COL8A1: variants seen among roughly 807,000 people sequenced by gnomAD.
COL8A1 encodes the protein collagen alpha-1(VIII) chain.
In COL8A1, 21 loss-of-function variants were observed where a neutral mutation model predicts 42.7. That is an observed-to-expected ratio of 0.49 (90% confidence interval 0.35 to 0.71). COL8A1 has a LOEUF of 0.71. COL8A1 is among the 30% of genes least tolerant of loss of function. The pLI is 0.01. For missense variants in COL8A1, 788 were observed against 962.4 expected, an observed-to-expected ratio of 0.82 and a Z score of 2.40; for synonymous variants, 367 against 369.1, an observed-to-expected ratio of 0.99 and a Z score of 0.06.
At chr3:99,679,108 G>A (rs1240667024) in intron 1 of COL8A1, 14 of 152,216 alleles carry the variant, frequency 9.2e-5, no homozygotes, top group African/African-American at 3.4e-4. Context: ...TTCAGAGCTT[G>A]AGAAAAATAG....
chr3:99,764,516 TAGTTA>T (rs1312462499), intron 2 of COL8A1, among the ~76,000 whole-genome samples: 3 of 152,276 alleles, frequency 2.0e-5, no homozygotes, highest in South Asian at 2.1e-4. Context: ...ATGTTGTTAG[TAGTTA>T]AGTGCTTAGA....
chr3:99,733,477 C>T (rs1940591193), intron 1 of COL8A1, among the ~76,000 whole-genome samples: 1 of 148,842 alleles, frequency 6.7e-6, no homozygotes, highest in Non-Finnish European at 1.5e-5. Flanking sequence ...AGGACATGAA[C>T]TCATCATTTT....
At chr3:99,678,407 G>T (rs1360023829) in intron 1 of COL8A1, 1 of 152,036 alleles carries the variant, frequency 6.6e-6, no homozygotes, top group Non-Finnish European at 1.5e-5. Context: ...GCCCAGAGAA[G>T]ACTTTTAGAA....
intron 1 of COL8A1, among the ~76,000 whole-genome samples, chr3:99,699,860 C>T (rs1939485780): frequency 6.6e-6 from 1 of 152,062 alleles, no homozygotes; most frequent in Non-Finnish European, 1.5e-5. Flanking sequence ...AACATACCGT[C>T]TTTTTTAACA....
chr3:99,643,517 A>G (rs1343792817), intron 1 of COL8A1, among the ~76,000 whole-genome samples: 1 of 152,252 alleles, frequency 6.6e-6, no homozygotes, highest in Non-Finnish European at 1.5e-5. Context: ...TAGAAAATAT[A>G]GTCTATAAAA....
At chr3:99,670,549 A>G (rs922040361) in intron 1 of COL8A1, among the ~76,000 whole-genome samples, 6 of 152,212 alleles carry the variant, frequency 3.9e-5, no homozygotes, top group Non-Finnish European at 8.8e-5. Context: ...TGATATATGT[A>G]TACAGTGTGG....
At chr3:99,752,797 C>T (rs7636514) in intron 2 of COL8A1, among the ~76,000 whole-genome samples, 11,782 of 150,650 alleles carry the variant, frequency 0.078, 572 homozygotes, top group Middle Eastern at 0.11. Flanking sequence ...TTGAAATGAA[C>T]AAACTCCCGC....
intron 1 of COL8A1, among the ~76,000 whole-genome samples, chr3:99,675,966 A>G (rs538159015): frequency 6.6e-6 from 1 of 152,216 alleles, no homozygotes; most frequent in African/African-American, 2.4e-5. Context: ...GGCGAACTTA[A>G]AAGAATGAAT....
At chr3:99,746,892 G>A (rs1941037640) in intron 2 of COL8A1, among the ~76,000 whole-genome samples, 1 of 152,126 alleles carries the variant, frequency 6.6e-6, no homozygotes. Context: ...AAATAATAAA[G>A]AATTTTTTGA....
chr3:99,707,447 A>C (rs1199655744), intron 1 of COL8A1, among the ~76,000 whole-genome samples: 2 of 152,202 alleles, frequency 1.3e-5, no homozygotes, highest in South Asian at 2.1e-4. Context: ...TCAAACCCTC[A>C]GTTAGCTAAC....
intron 2 of COL8A1, among the ~76,000 whole-genome samples, chr3:99,764,166 AT>A (rs1361464434): frequency 6.6e-6 from 1 of 152,208 alleles, no homozygotes; most frequent in Non-Finnish European, 1.5e-5. Flanking sequence ...AACTTTTTAT[AT>A]AGAAGCTTTG....
At chr3:99,727,811 TC>T (rs1473253686) in intron 1 of COL8A1, among the ~76,000 whole-genome samples, 4 of 152,004 alleles carry the variant, frequency 2.6e-5, no homozygotes, top group African/African-American at 4.8e-5. Context: ...ATGGGCTTCA[TC>T]CCTGGGATGC....
chr3:99,662,273 T>C (rs560080203), intron 1 of COL8A1, among the ~76,000 whole-genome samples: 1 of 150,342 alleles, frequency 6.7e-6, no homozygotes, highest in Non-Finnish European at 1.5e-5. Flanking sequence ...TCCCAGCTAC[T>C]GGGGAGGCGG....
intron 2 of COL8A1, among the ~76,000 whole-genome samples, chr3:99,745,518 C>T (rs1241696448): frequency 1.3e-5 from 2 of 152,056 alleles, no homozygotes; most frequent in Non-Finnish European, 2.9e-5. Flanking sequence ...TGTTTTTATA[C>T]CATTATCATA....
intron 1 of COL8A1, among the ~76,000 whole-genome samples, chr3:99,673,682 G>T (rs1473073884): frequency 6.6e-6 from 1 of 151,870 alleles, no homozygotes; most frequent in African/African-American, 2.4e-5. Flanking sequence ...AGTTTTGGAG[G>T]ATTTCTTTTA....
intron 1 of COL8A1, among the ~76,000 whole-genome samples, chr3:99,685,865 G>A (rs1311842473): frequency 6.6e-6 from 1 of 152,178 alleles, no homozygotes; most frequent in African/African-American, 2.4e-5. Context: ...TTACCCATGT[G>A]AGGCACATAG....
chr3:99,668,346 G>C (rs1282410866), intron 1 of COL8A1, among the ~76,000 whole-genome samples: 1 of 152,078 alleles, frequency 6.6e-6, no homozygotes, highest in Non-Finnish European at 1.5e-5. Flanking sequence ...TTTTTCATAA[G>C]TTTATTCCAA....
intron 2 of COL8A1, among the ~76,000 whole-genome samples, chr3:99,785,220 T>C (rs1941870786): frequency 6.6e-6 from 1 of 152,190 alleles, no homozygotes; most frequent in Non-Finnish European, 1.5e-5. Flanking sequence ...GTCAAAAATA[T>C]GAGGGCTTTC....
intron 1 of COL8A1, among the ~76,000 whole-genome samples, chr3:99,658,415 G>A (rs774443847): frequency 1.3e-5 from 2 of 152,066 alleles, no homozygotes; most frequent in Non-Finnish European, 2.9e-5. Context: ...AGTCTCCTTT[G>A]ACCTTCTGGC....
Sources: gnomAD v4.1 joint callset for allele counts (sites outside exome capture counted in the v4.1 genomes callset) on GRCh38, gnomAD v4.1.1 for gene constraint, MANE v1.5 for transcripts, NCBI Gene and HGNC (gene_info 2026-07-23, HGNC 2026-07-21) for gene names.